The following PRTFDC1 variants were observed in gnomAD, a reference collection of about 807,000 sequenced individuals.
PRTFDC1 encodes the protein phosphoribosyl transferase domain containing 1, also known as phosphoribosyltransferase domain-containing protein 1.
PRTFDC1 carries 38 observed loss-of-function variants against 34.6 expected under a neutral mutation model. The ratio of observed to expected loss-of-function variants is 1.10; its 90% confidence interval spans 0.85 to 1.44. PRTFDC1 has a LOEUF of 1.44. PRTFDC1 is among the 40% of genes most tolerant of loss of function. PRTFDC1 has a pLI of 0.00. For synonymous variants in PRTFDC1, 93 were observed against 98.1 expected, an observed-to-expected ratio of 0.95 and a Z score of 0.31; for missense variants, 270 against 283.0, an observed-to-expected ratio of 0.95 and a Z score of 0.33.
intron 3 of PRTFDC1, chr10:24,908,176 G>A (rs1848565410): frequency 4.3e-6 from 1 of 231,720 alleles, no homozygotes; most frequent in Non-Finnish European, 8.6e-6. Flanking sequence ...CAGGGCCTGG[G>A]GCTACATCAT....
At chr10:24,868,148 T>C (rs1341769761) in intron 4 of PRTFDC1, 2 of 152,252 alleles carry the variant, frequency 1.3e-5, no homozygotes, top group Non-Finnish European at 2.9e-5. Context: ...TTTGGGTACA[T>C]GACAGTGATA....
At chr10:24,871,872 C>T in intron 4 of PRTFDC1, 126 bp downstream of exon 4, 1 of 718,472 alleles carries the variant, frequency 1.4e-6, no homozygotes, top group Non-Finnish European at 2.3e-6. Context: ...AGGATTCACG[C>T]AGCCATTTGT....
At chr10:24,942,051 C>T (rs1849166954) in intron 2 of PRTFDC1, among the ~76,000 whole-genome samples, 1 of 152,138 alleles carries the variant, frequency 6.6e-6, no homozygotes, top group African/African-American at 2.4e-5. Context: ...CACGGAAAAG[C>T]CATCTTAGGA....
intron 3 of PRTFDC1, among the ~76,000 whole-genome samples, chr10:24,877,693 T>C (rs1348666752): frequency 6.6e-6 from 1 of 152,158 alleles, no homozygotes; most frequent in Non-Finnish European, 1.5e-5. Flanking sequence ...CAATTTCAGC[T>C]CACTGCAACC....
At position 24,952,385 on chromosome 10, in the gene PRTFDC1, G is replaced by T; in HGVS notation, c.48+143C>A. ...CGGGGAGAGGAGGCCCGGGTCCGAGGATGGAAGCGATCCCCGCCGGGAGGG... is the reference window on the plus strand; with the variant it reads ...CGGGGAGAGGAGGCCCGGGTCCGAGTATGGAAGCGATCCCCGCCGGGAGGG... On this transcript the variant is annotated intron_variant, in intron 1 of 8. Coordinates refer to ENST00000320152, the MANE Select transcript of PRTFDC1 (RefSeq NM_020200.7). The surrounding 1 kb of genome is among the most constrained non-coding windows in gnomAD (Gnocchi z 5.1). 1.1e-6 allele frequency: 1 copy of T among 950,312 alleles called. No individual in the cohort carries two copies. The highest frequency in any genetic ancestry group is 1.6e-6 in the Non-Finnish European group (1 of 615,826). The allele number at this position is 950,312 out of a possible 1,614,324, so 58.9% of individuals were successfully genotyped here.
chr10:24,882,838 G>C (rs74344229), intron 3 of PRTFDC1, among the ~76,000 whole-genome samples: 2,112 of 150,942 alleles, frequency 0.014, 45 homozygotes, highest in African/African-American at 0.049. Context: ...AATAAAAAAA[G>C]TAAAAAAAAA....
chr10:24,852,024 G>A (rs969341813), intron 7 of PRTFDC1, among the ~76,000 whole-genome samples: 4 of 152,010 alleles, frequency 2.6e-5, no homozygotes, highest in African/African-American at 9.7e-5. Flanking sequence ...AGAATGTGGA[G>A]GTTGCATTAA....
chr10:24,854,736 G>T (rs1339760126), intron 7 of PRTFDC1, among the ~76,000 whole-genome samples: 1 of 152,184 alleles, frequency 6.6e-6, no homozygotes, highest in Admixed American at 6.5e-5. Context: ...ATGGTATCTA[G>T]AGATACCTGC....
chr10:24,900,402 G>A, intron 3 of PRTFDC1, among the ~76,000 whole-genome samples: 1 of 152,234 alleles, frequency 6.6e-6, no homozygotes, highest in East Asian at 1.9e-4. Flanking sequence ...AGCTCTGTGG[G>A]TGATATTTTA....
intron 3 of PRTFDC1, among the ~76,000 whole-genome samples, chr10:24,919,084 C>A (rs1848741679): frequency 6.6e-6 from 1 of 151,986 alleles, no homozygotes; most frequent in Non-Finnish European, 1.5e-5. Context: ...TTATAAGGCA[C>A]TTAAAATAGT....
At chr10:24,938,894 C>T (rs1257993479) in intron 2 of PRTFDC1, among the ~76,000 whole-genome samples, 1 of 152,166 alleles carries the variant, frequency 6.6e-6, no homozygotes, top group East Asian at 1.9e-4. Flanking sequence ...TCCCCACACA[C>T]CCCCATCAGC....
chr10:24,878,816 A>ACCACCCTCTAAG (rs1302417742), intron 3 of PRTFDC1, among the ~76,000 whole-genome samples: 1 of 152,104 alleles, frequency 6.6e-6, no homozygotes, highest in Admixed American at 6.6e-5. Context: ...AAACAAGAGA[A>ACCACCCTCTAAG]CCACCCTCTA....
intron 4 of PRTFDC1, among the ~76,000 whole-genome samples, chr10:24,858,670 A>G (rs926212060): frequency 6.6e-5 from 10 of 152,216 alleles, no homozygotes; most frequent in African/African-American, 1.2e-4. Context: ...CGAGCTCTCC[A>G]TAAAGTCATC....
chr10:24,850,389 T>G (rs1847464030), intron 8 of PRTFDC1, among the ~76,000 whole-genome samples: 2 of 152,096 alleles, frequency 1.3e-5, no homozygotes, highest in Admixed American at 1.3e-4. Context: ...CCCAGTACTT[T>G]GGGAGGCTGA....
At chr10:24,866,275 C>T (rs1444947073) in intron 4 of PRTFDC1, among the ~76,000 whole-genome samples, 2 of 149,586 alleles carry the variant, frequency 1.3e-5, no homozygotes, top group South Asian at 2.1e-4. Context: ...GCAGGAGAAT[C>T]GCTTGAACGT....
chr10:24,940,528 G>T (rs1037500365), intron 2 of PRTFDC1, among the ~76,000 whole-genome samples: 5 of 152,176 alleles, frequency 3.3e-5, no homozygotes, highest in African/African-American at 1.2e-4. Context: ...CACAAGAATG[G>T]CTATAATCAA....
chr10:24,944,026 G>A (rs1197318563), intron 1 of PRTFDC1, among the ~76,000 whole-genome samples: 1 of 152,078 alleles, frequency 6.6e-6, no homozygotes, highest in African/African-American at 2.4e-5. Context: ...CCAGCTCTGG[G>A]TTTCATTCAT....
At position 24,931,669 on chromosome 10, in the gene PRTFDC1, A is replaced by T. The variant is rs143716749; in HGVS notation, c.339+5515T>A. 7.2e-5 allele frequency among the ~76,000 whole-genome samples: 11 copies of T among 152,128 alleles called. 1 individual carries two copies. The East Asian group carries it at 2.1e-3, about 29-fold the overall frequency. On this transcript the variant is annotated intron_variant, in intron 3 of 8. Coordinates refer to ENST00000320152, the MANE Select transcript of PRTFDC1 (RefSeq NM_020200.7). Reference sequence around the variant, plus strand: ...AAGACACAAACTATTAAAGAGTGAGAAAACTATTAGCCTGAATACTCCCAT... The same window carrying T: ...AAGACACAAACTATTAAAGAGTGAGTAAACTATTAGCCTGAATACTCCCAT...
At chr10:24,940,170 G>C (rs947244921) in intron 2 of PRTFDC1, among the ~76,000 whole-genome samples, 2 of 152,156 alleles carry the variant, frequency 1.3e-5, no homozygotes, top group South Asian at 2.1e-4. Context: ...TAAGCATATA[G>C]TTGAACTGAG....
Sources: gnomAD v4.1 joint callset for allele counts (sites outside exome capture counted in the v4.1 genomes callset) on GRCh38, gnomAD v4.1.1 for gene constraint, Gnocchi (gnomAD v3.1) non-coding constraint, MANE v1.5 for transcripts, NCBI Gene and HGNC (gene_info 2026-07-23, HGNC 2026-07-21) for gene names.